Variants in CCND2 observed in about 807,000 individuals in gnomAD.
CCND2 encodes G1/S-specific cyclin-D2.
CCND2 carries 6 observed loss-of-function variants against 30.2 expected under a neutral mutation model. That is an observed-to-expected ratio of 0.20 (90% confidence interval 0.11 to 0.39). The LOEUF (loss-of-function observed/expected upper bound fraction) is 0.39, where lower values mean the gene tolerates loss of function less well. Among genes scored for constraint, CCND2 ranks in the 10% least tolerant of loss-of-function variants. CCND2 has a pLI of 1.00. For missense variants in CCND2, 235 were observed against 373.4 expected (o/e 0.63, Z 3.06); for synonymous variants, 150 against 153.1 (o/e 0.98, Z 0.15).
chr12:4,302,327 T>G lies in CCND2; in HGVS notation c.*2318T>G, dbSNP rs1032797518. On this transcript the variant is annotated 3_prime_UTR_variant, in exon 5 of 5. Transcript: ENST00000261254. ...TGCGGTAGGCTCAGATGTCGTAATT[T>G]GCACTTAGGTACCAGGTGTCAGGAA... The G allele has an allele frequency of 3.4e-5, 8 of 233,020 alleles. No homozygotes were observed. The Admixed American group carries it at 4.5e-4, about 13-fold the overall frequency. The allele number at this position is 233,020 out of a possible 1,614,324, so 14.4% of individuals were successfully genotyped here.
rs1034639965 is a variant in CCND2 at position 4,302,676 on chromosome 12, T to C, written c.*2667T>C. 1 of 233,100 alleles carries C rather than the reference T, an allele frequency of 4.3e-6. No individual in the cohort carries two copies. Among genetic ancestry groups the C allele is most frequent in the Non-Finnish European group, 8.5e-6 (1 of 118,086 alleles). The allele number at this position is 233,100 out of a possible 1,614,324, so 14.4% of individuals were successfully genotyped here. On this transcript the variant is annotated 3_prime_UTR_variant, in exon 5 of 5. Coordinates refer to ENST00000261254, the MANE Select transcript of CCND2 (RefSeq NM_001759.4). The stretch of plus-strand genomic sequence containing the variant: ...CGGTCGGGTTTTCAATCACACTGAA[T>C]TGGCAGGATAAGAAAAATAGGTCAG...
intron 3 of CCND2, among the ~76,000 whole-genome samples, chr12:4,281,269 G>C (rs1161056805): frequency 6.6e-6 from 1 of 152,212 alleles, no homozygotes; most frequent in Non-Finnish European, 1.5e-5. Context: ...ACTTGGGTTT[G>C]TGCAACTGAC....
In CCND2 at chr12:4,285,659, C is replaced by T. The variant is rs1245048299; in HGVS notation, c.572-3183C>T. 6.6e-6 allele frequency among the ~76,000 whole-genome samples: 1 copy of T among 152,218 alleles called. No homozygotes were observed. Among genetic ancestry groups the T allele is most frequent in the Non-Finnish European group, 1.5e-5 (1 of 68,046 alleles). On this transcript the variant is annotated intron_variant, in intron 3 of 4. Coordinates refer to ENST00000261254, the MANE Select transcript of CCND2 (RefSeq NM_001759.4). The surrounding 1 kb of genome is among the most constrained non-coding windows in gnomAD (Gnocchi z 4.1). The stretch of plus-strand genomic sequence containing the variant: ...GTGGATATTGTGACCATTTCTCCAT[C>T]CTGTCATAGCGACAAAGCTGATGGT...
At position 4,287,360 on chromosome 12, in the gene CCND2, G is replaced by A. The variant is rs527457659; in HGVS notation, c.572-1482G>A. 6.6e-6 allele frequency among the ~76,000 whole-genome samples: 1 copy of A among 152,292 alleles called. No homozygotes were observed. Among genetic ancestry groups the A allele is most frequent in the South Asian group, 2.1e-4 (1 of 4,828 alleles). ...AGAAAGTGTGTTTGTAATAGAGTGT[G>A]TACAGGAGGAAGGGGAAATAGGAGA... On this transcript the variant is annotated intron_variant, in intron 3 of 4. Coordinates refer to ENST00000261254, the MANE Select transcript of CCND2 (RefSeq NM_001759.4). This position sits in a 1 kb window ranked among gnomAD's most constrained non-coding sequence, Gnocchi z 4.0.
In CCND2 at chr12:4,285,701, A is replaced by G. The variant is rs1158818625; in HGVS notation, c.572-3141A>G. Among the ~76,000 whole-genome samples, 2 of 152,216 alleles carry G rather than the reference A, an allele frequency of 1.3e-5. No homozygotes were observed. The highest frequency in any genetic ancestry group is 4.8e-5 in the African/African-American group (2 of 41,462). The stretch of plus-strand genomic sequence containing the variant: ...GCTGATGGTTTCCAGGAATGGCTGC[A>G]TTGGGTAGGTGGAGCTTTCCACAGT... On this transcript the variant is annotated intron_variant, in intron 3 of 4. Coordinates refer to ENST00000261254, the MANE Select transcript of CCND2 (RefSeq NM_001759.4). This position sits in a 1 kb window ranked among gnomAD's most constrained non-coding sequence, Gnocchi z 4.1.
Position 4,278,862 on chromosome 12 carries a change from G to C in CCND2, c.514G>C (p.Glu172Gln). Residue 172 changes from glutamate to glutamine, a missense_variant, in exon 3 of 5, where the codon GAG becomes CAG. Transcript: ENST00000261254. ...CTTGCGCAAGCTGCCCCAGCAGCGG[G>C]AGAAGCTGTCTCTGATCCGCAAGCA... ...HILRKLPQQR[E>Q]KLSLIRKHAQ... 1 of 1,614,196 alleles carries C rather than the reference G, an allele frequency of 6.2e-7. No individual in the cohort carries two copies. The highest frequency in any genetic ancestry group is 8.5e-7 in the Non-Finnish European group (1 of 1,180,016).
intron 4 of CCND2, among the ~76,000 whole-genome samples, chr12:4,291,909 G>T (rs886691947): frequency 6.6e-6 from 1 of 152,140 alleles, no homozygotes; most frequent in South Asian, 2.1e-4. Flanking sequence ...AGTCAAATTC[G>T]TAGAGACAGA....
intron 3 of CCND2, among the ~76,000 whole-genome samples, chr12:4,284,109 G>A (rs1339384748): frequency 6.6e-6 from 1 of 152,118 alleles, no homozygotes; most frequent in Non-Finnish European, 1.5e-5. Context: ...TCTCCAGTCG[G>A]AACTCCCCAC....
At chr12:4,295,193 A>C (rs1263742002) in intron 4 of CCND2, among the ~76,000 whole-genome samples, 2 of 152,236 alleles carry the variant, frequency 1.3e-5, no homozygotes, top group African/African-American at 4.8e-5. Flanking sequence ...TCTTTCCACC[A>C]TCAGAGAGTA....
chr12:4,279,957 CG>C (rs1293058926), intron 3 of CCND2, among the ~76,000 whole-genome samples: 4 of 151,386 alleles, frequency 2.6e-5, no homozygotes, highest in Admixed American at 6.6e-5. Context: ...GTGAGTTCTA[CG>C]GAACGGATGA....
chr12:4,274,324 T>G lies in CCND2; in HGVS notation c.195+89T>G. 1 of 1,399,530 alleles carries G rather than the reference T, an allele frequency of 7.1e-7. No homozygotes were observed. The highest frequency in any genetic ancestry group is 9.9e-7 in the Non-Finnish European group (1 of 1,012,478). 86.7% of individuals were successfully genotyped at this position (1,399,530 alleles called of 1,614,324 possible). On this transcript the variant is annotated intron_variant, in intron 1 of 4. Transcript: ENST00000261254. This position sits in a 1 kb window ranked among gnomAD's most constrained non-coding sequence, Gnocchi z 7.7. Reference sequence around the variant, plus strand: ...GAGCCCTAAACCTGGGAGAGGGCAATCCCCGCGCCGGCCTCCCGGCTCCTG... The same window carrying G: ...GAGCCCTAAACCTGGGAGAGGGCAAGCCCCGCGCCGGCCTCCCGGCTCCTG...
At chr12:4,296,440 G>A (rs943702448) in intron 4 of CCND2, among the ~76,000 whole-genome samples, 2 of 152,244 alleles carry the variant, frequency 1.3e-5, no homozygotes, top group African/African-American at 2.4e-5. Flanking sequence ...TAAAGGAACC[G>A]CATCGCTACG....
Position 4,278,661 on chromosome 12 carries a change from C to T in CCND2, c.412-99C>T, listed in dbSNP as rs373028420. On this transcript the variant is annotated intron_variant, in intron 2 of 4. Transcript: ENST00000261254. ...AATCTAGCAGCCACGTCCTAATGAG[C>T]GGCCTTAAAACTGGTCTGGAGCCCA... The T allele has an allele frequency of 4.3e-6, 5 of 1,153,302 alleles. No individual in the cohort carries two copies. The Admixed American group carries it at 6.7e-5, about 15-fold the overall frequency. The allele number at this position is 1,153,302 out of a possible 1,614,324, so 71.4% of individuals were successfully genotyped here.
chr12:4,298,490 G>A (rs750817477), intron 4 of CCND2, among the ~76,000 whole-genome samples: 2 of 152,158 alleles, frequency 1.3e-5, no homozygotes, highest in Non-Finnish European at 2.9e-5. Flanking sequence ...TCAGCTTCCC[G>A]CCTCAGCCTC....
At chr12:4,284,210 G>A (rs1468837488) in intron 3 of CCND2, among the ~76,000 whole-genome samples, 1 of 152,186 alleles carries the variant, frequency 6.6e-6, no homozygotes, top group Non-Finnish European at 1.5e-5. Flanking sequence ...CCTTGAACCA[G>A]GCACTGTGCT....
chr12:4,293,823 T>C lies in CCND2; in HGVS notation c.720+4833T>C, dbSNP rs1249322101. ...GCCTCCACTGTTACAGATTCTGTCT[T>C]CTGTGGACTCTTCAGGGCCTGTGGT... On this transcript the variant is annotated intron_variant, in intron 4 of 4. Coordinates refer to ENST00000261254, the MANE Select transcript of CCND2 (RefSeq NM_001759.4). This position sits in a 1 kb window ranked among gnomAD's most constrained non-coding sequence, Gnocchi z 4.9. Among the ~76,000 whole-genome samples, 1 of 152,164 alleles carries C rather than the reference T, an allele frequency of 6.6e-6. No individual in the cohort carries two copies. Among genetic ancestry groups the C allele is most frequent in the Admixed American group, 6.5e-5 (1 of 15,286 alleles).
At chr12:4,278,256 T>C (rs978135263) in intron 2 of CCND2, among the ~76,000 whole-genome samples, 1 of 152,236 alleles carries the variant, frequency 6.6e-6, no homozygotes, top group African/African-American at 2.4e-5. Context: ...AGCAAGCTAA[T>C]TGGTTGCCAA....
In CCND2 at chr12:4,303,258, G is replaced by C. The variant is rs943837754; in HGVS notation, c.*3249G>C. 18 of 233,234 alleles carry C rather than the reference G, an allele frequency of 7.7e-5. No individual in the cohort carries two copies. The highest frequency in any genetic ancestry group is 4.0e-4 in the African/African-American group (18 of 45,330). 14.4% of individuals were successfully genotyped at this position (233,234 alleles called of 1,614,324 possible). On this transcript the variant is annotated 3_prime_UTR_variant, in exon 5 of 5. Coordinates refer to ENST00000261254, the MANE Select transcript of CCND2 (RefSeq NM_001759.4). This position sits in a 1 kb window ranked among gnomAD's most constrained non-coding sequence, Gnocchi z 4.6. ...ATGATGGGTGTGGGGCTGCCGATGG[G>C]AAAGTCGGGGGTTGTTAGGCTTTTC...
intron 3 of CCND2, among the ~76,000 whole-genome samples, chr12:4,283,126 C>G (rs1259966733): frequency 6.6e-6 from 1 of 152,212 alleles, no homozygotes; most frequent in African/African-American, 2.4e-5. Flanking sequence ...TTACTTAGCT[C>G]TGAACTCTTT....
Sources: allele counts gnomAD v4.1 joint callset (sites outside exome capture counted in the v4.1 genomes callset), GRCh38; gene constraint gnomAD v4.1.1; non-coding constraint Gnocchi (gnomAD v3.1); transcripts MANE v1.5; gene names NCBI Gene and HGNC (gene_info 2026-07-23, HGNC 2026-07-21).